The following ARHGAP6 variants were observed in gnomAD, a reference collection of about 807,000 sequenced individuals.
ARHGAP6 encodes the protein Rho GTPase activating protein 6.
In ARHGAP6, 16 loss-of-function variants were observed where a neutral mutation model predicts 55.7. The observed-to-expected ratio is 0.29, with a 90% confidence interval of 0.19 to 0.44. ARHGAP6 has a LOEUF of 0.44. Ranked by LOEUF, ARHGAP6 falls within the 20% of genes least tolerant of loss-of-function variation. The probability of loss-of-function intolerance (pLI) is 1.00; values close to 1 mark genes in which losing one functional copy is unlikely to be tolerated. For synonymous variants in ARHGAP6, 382 were observed against 360.9 expected, an observed-to-expected ratio of 1.06 and a Z score of -0.66; for missense variants, 698 against 808.9, an observed-to-expected ratio of 0.86 and a Z score of 1.66.
At chrX:11,632,745 TA>T (rs761489087) in intron 1 of ARHGAP6, among the ~76,000 whole-genome samples, 1 of 112,487 alleles carries the variant, frequency 8.9e-6, no homozygotes, top group East Asian at 2.8e-4. Context: ...TACATGTATT[TA>T]AGTGGATGCC....
At chrX:11,335,395 C>CTT (rs1731833321) in intron 1 of ARHGAP6, among the ~76,000 whole-genome samples, 1 of 110,967 alleles carries the variant, frequency 9.0e-6, no homozygotes, top group Non-Finnish European at 1.9e-5. Flanking sequence ...TGACAGGCCC[C>CTT]GGTGTGTAAT....
At chrX:11,298,517 A>G in intron 1 of ARHGAP6, 2 of 1,210,693 alleles carry the variant, frequency 1.7e-6, no homozygotes, top group Non-Finnish European at 2.2e-6. Flanking sequence ...ACCTGAGCCA[A>G]TGGTAAACCT....
Position 11,590,783 on chromosome X carries a change from AAAG to A in ARHGAP6, c.588+73455_588+73457del, listed in dbSNP as rs1216892123. Among the ~76,000 whole-genome samples, 2 of 23,641 alleles carry A rather than the reference AAAG, an allele frequency of 8.5e-5. 1 individual carries two copies. Among genetic ancestry groups the A allele is most frequent in the African/African-American group, 5.3e-4 (2 of 3,809 alleles). The allele number at this position is 23,641 out of a possible 115,157, so 20.5% of individuals were successfully genotyped here. A position where few individuals can be genotyped will look rare whatever the true frequency, so the allele number is the denominator to read the frequency against. On this transcript the variant is annotated intron_variant, in intron 1 of 12. Transcript: ENST00000337414. Reference sequence around the variant, plus strand: ...AGAGTGAGACTCCATCTCGAAAAGAAAAGAAAAGAAAAGAAAAGAAAAGAAAAG... The same window carrying A: ...AGAGTGAGACTCCATCTCGAAAAGAAAAAAGAAAAGAAAAGAAAAGAAAAG...
At chrX:11,556,028 ACT>A (rs1472406040) in intron 1 of ARHGAP6, among the ~76,000 whole-genome samples, 2 of 110,547 alleles carry the variant, frequency 1.8e-5, no homozygotes, top group Non-Finnish European at 3.8e-5. Context: ...TAAGTGGGAA[ACT>A]CTAACTGCTC....
At chrX:11,572,257 A>C (rs1195975615) in intron 1 of ARHGAP6, among the ~76,000 whole-genome samples, 2 of 110,248 alleles carry the variant, frequency 1.8e-5, no homozygotes, top group East Asian at 2.8e-4. Context: ...TTACATATGT[A>C]TACATGTGCC....
chrX:11,617,554 A>C (rs2052180389), intron 1 of ARHGAP6, among the ~76,000 whole-genome samples: 1 of 111,889 alleles, frequency 8.9e-6, no homozygotes, highest in South Asian at 3.7e-4. Flanking sequence ...GATTAAGTTA[A>C]GGACCTTGAA....
Position 11,396,081 on chromosome X carries a change from T to C in ARHGAP6, c.589-141374A>G, listed in dbSNP as rs190411865. ...CCACAGATAGGCAACTCTTACTCTT[T>C]ACAGCAAAAGCATAAGTCTTCACTA... is the stretch of plus-strand genomic sequence containing the variant. On this transcript the variant is annotated intron_variant, in intron 1 of 12. Transcript: ENST00000337414. 2.7e-5 allele frequency among the ~76,000 whole-genome samples: 3 copies of C among 111,650 alleles called. No individual in the cohort carries two copies. In the East Asian group the frequency reaches 8.5e-4, roughly 32 times the overall value.
At chrX:11,542,718 C>G (rs956347066) in intron 1 of ARHGAP6, among the ~76,000 whole-genome samples, 1 of 111,261 alleles carries the variant, frequency 9.0e-6, no homozygotes, top group Admixed American at 9.5e-5. Flanking sequence ...GGCGTAAGTG[C>G]TGACTATACT....
At chrX:11,541,551 G>A (rs1291433013) in intron 1 of ARHGAP6, among the ~76,000 whole-genome samples, 1 of 111,983 alleles carries the variant, frequency 8.9e-6, no homozygotes, top group African/African-American at 3.2e-5. Flanking sequence ...GATATCAAAT[G>A]ATCAGAAATA....
chrX:11,628,125 G>A (rs747105778), intron 1 of ARHGAP6, among the ~76,000 whole-genome samples: 4 of 111,956 alleles, frequency 3.6e-5, no homozygotes, highest in Non-Finnish European at 7.5e-5. Flanking sequence ...ATATCCAATT[G>A]TTTATTAGGC....
At chrX:11,213,611 A>G (rs946196637) in intron 2 of ARHGAP6, among the ~76,000 whole-genome samples, 1 of 112,775 alleles carries the variant, frequency 8.9e-6, no homozygotes, top group Non-Finnish European at 1.9e-5. Context: ...AGCACCACGA[A>G]TGGAACTATA....
At chrX:11,232,418 C>T (rs1032352632) in intron 2 of ARHGAP6, among the ~76,000 whole-genome samples, 3 of 110,255 alleles carry the variant, frequency 2.7e-5, no homozygotes, top group Admixed American at 9.7e-5. Flanking sequence ...GCCAAGAGTT[C>T]GAGACCAGCC....
chrX:11,303,783 A>T (rs1330083690), intron 1 of ARHGAP6, among the ~76,000 whole-genome samples: 1 of 111,362 alleles, frequency 9.0e-6, no homozygotes, highest in Non-Finnish European at 1.9e-5. Flanking sequence ...CCATAACCAA[A>T]CCGTTTGATT....
chrX:11,286,812 C>T (rs1346150199), intron 1 of ARHGAP6, among the ~76,000 whole-genome samples: 1 of 111,894 alleles, frequency 8.9e-6, no homozygotes, highest in African/African-American at 3.2e-5. Flanking sequence ...GACACATTTT[C>T]CAACCATATG....
At chrX:11,176,485 T>C (rs999875787) in intron 8 of ARHGAP6, among the ~76,000 whole-genome samples, 11 of 104,040 alleles carry the variant, frequency 1.1e-4, no homozygotes, top group South Asian at 4.5e-4. Context: ...TGTTCAGCAA[T>C]TGAATGGAAA....
intron 1 of ARHGAP6, among the ~76,000 whole-genome samples, chrX:11,316,244 G>A (rs1322945674): frequency 8.9e-6 from 1 of 111,918 alleles, no homozygotes; most frequent in Non-Finnish European, 1.9e-5. Context: ...ATCTCTCCTG[G>A]TTGAAGGTAA....
intron 1 of ARHGAP6, among the ~76,000 whole-genome samples, chrX:11,464,027 C>T (rs1301881958): frequency 8.9e-6 from 1 of 111,985 alleles, no homozygotes; most frequent in Admixed American, 9.4e-5. Context: ...TCATCTAAAT[C>T]AGAAAATAAT....
At chrX:11,349,435 C>T (rs1408906839) in intron 1 of ARHGAP6, among the ~76,000 whole-genome samples, 3 of 111,294 alleles carry the variant, frequency 2.7e-5, no homozygotes, top group Non-Finnish European at 5.7e-5. Context: ...ACCATCAGGG[C>T]AGGGGTTTGT....
chrX:11,294,855 C>A lies in ARHGAP6; in HGVS notation c.589-40148G>T, dbSNP rs748483718. On this transcript the variant is annotated intron_variant, in intron 1 of 12. Transcript: ENST00000337414. Reference sequence around the variant, plus strand: ...TTTTGCCATGCCTGTGAGTAAAACACCCCTTGCATAAGTCAGTGTCCAATT... The same window carrying A: ...TTTTGCCATGCCTGTGAGTAAAACAACCCTTGCATAAGTCAGTGTCCAATT... 3.3e-6 allele frequency: 4 copies of A among 1,209,803 alleles called. No homozygotes were observed. The Admixed American group carries it at 8.7e-5, about 26-fold the overall frequency.
Sources: allele counts gnomAD v4.1 joint callset (sites outside exome capture counted in the v4.1 genomes callset), GRCh38; gene constraint gnomAD v4.1.1; transcripts MANE v1.5; gene names NCBI Gene and HGNC (gene_info 2026-07-23, HGNC 2026-07-21).